The following PLA2R1 variants were observed in gnomAD, a reference collection of about 807,000 sequenced individuals.
PLA2R1 encodes the protein secretory phospholipase A2 receptor.
Under a neutral mutation model 195.9 loss-of-function variants are expected in PLA2R1, and 158 were observed. That is an observed-to-expected ratio of 0.81 (90% CI 0.71 to 0.92). PLA2R1 has a LOEUF of 0.92. PLA2R1 is among the 40% of genes least tolerant of loss of function. PLA2R1 has a pLI of 0.00. For synonymous variants in PLA2R1, 586 were observed against 598.2 expected, an observed-to-expected ratio of 0.98 and a Z score of 0.30; for missense variants, 1,626 against 1,764.6, an observed-to-expected ratio of 0.92 and a Z score of 1.41.
chr2:159,981,573 T>C (rs999223198), intron 13 of PLA2R1, among the ~76,000 whole-genome samples: 6 of 152,030 alleles, frequency 3.9e-5, no homozygotes, highest in Non-Finnish European at 8.8e-5. Flanking sequence ...ACCTGGCTAA[T>C]TTTTTTGTAC....
chr2:160,033,174 T>TA, intron 3 of PLA2R1, 42 bp from the exon 4 acceptor site: 1 of 1,470,900 alleles, frequency 6.8e-7, no homozygotes. Flanking sequence ...TCTTATTTTA[T>TA]CTATACAGCA....
chr2:159,969,452 T>C, intron 18 of PLA2R1, 93 bp from the exon 19 acceptor site: 2 of 642,574 alleles, frequency 3.1e-6, no homozygotes, highest in East Asian at 5.6e-5. Flanking sequence ...GGATTGAAGA[T>C]ATAATATTCT....
Position 159,937,820 on chromosome 2 carries a change from AAC to A in PLA2R1, c.*3956_*3957del, listed in dbSNP as rs1262303960. 6.6e-6 allele frequency: 1 copy of A among 152,232 alleles called. No individual in the cohort carries two copies. The highest frequency in any genetic ancestry group is 1.5e-5 in the Non-Finnish European group (1 of 68,036). The allele number at this position is 152,232 out of a possible 1,614,324, so 9.4% of individuals were successfully genotyped here. A position where few individuals can be genotyped will look rare whatever the true frequency, so the allele number is the denominator to read the frequency against. The stretch of plus-strand genomic sequence containing the variant: ...TTCAACTTTAACAGAAAAATGTCCT[AAC>A]ACAGAGAAAGACGTGAGGATCTACA... On this transcript the variant is annotated 3_prime_UTR_variant, in exon 30 of 30. Coordinates refer to ENST00000283243, the MANE Select transcript of PLA2R1 (RefSeq NM_007366.5).
chr2:159,987,849 G>T (rs1690461822), intron 11 of PLA2R1, among the ~76,000 whole-genome samples: 1 of 152,136 alleles, frequency 6.6e-6, no homozygotes, highest in African/African-American at 2.4e-5. Flanking sequence ...AAGAGAATGA[G>T]ATGAATTCTC....
intron 20 of PLA2R1, among the ~76,000 whole-genome samples, chr2:159,963,744 T>G (rs780738682): frequency 6.6e-6 from 1 of 152,158 alleles, no homozygotes; most frequent in Non-Finnish European, 1.5e-5. Context: ...GGCAAAGATG[T>G]GGAGAAATTG....
intron 1 of PLA2R1, among the ~76,000 whole-genome samples, chr2:160,054,214 CAGCTTGAGACCAGG>C (rs1267266206): frequency 6.6e-6 from 1 of 152,096 alleles, no homozygotes; most frequent in Non-Finnish European, 1.5e-5. Flanking sequence ...GGCTGGAGGA[CAGCTTGAGACCAGG>C]AGTTTGAGAC....
chr2:160,012,318 T>C (rs1692416366), intron 10 of PLA2R1, among the ~76,000 whole-genome samples: 5 of 152,294 alleles, frequency 3.3e-5, no homozygotes, highest in Middle Eastern at 3.4e-3. Flanking sequence ...TCCCAGGTGT[T>C]CCAGCCCCCA....
chr2:160,020,364 C>T (rs1309331878), intron 7 of PLA2R1, 101 bp from the exon 8 acceptor site: 2 of 714,544 alleles, frequency 2.8e-6, no homozygotes, highest in Non-Finnish European at 4.7e-6. Flanking sequence ...CATGTGATTT[C>T]TTCTTTATTT....
rs1317318539 is a variant in PLA2R1, at chr2:159,932,783, AAAAC to A, written c.*8991_*8994del. 6.6e-6 allele frequency: 1 copy of A among 152,250 alleles called. No individual in the cohort carries two copies. The highest frequency in any genetic ancestry group is 1.5e-5 in the Non-Finnish European group (1 of 68,044). 9.4% of individuals were successfully genotyped at this position (152,250 alleles called of 1,614,324 possible). ...TTTCAGTGCTAGGGAGGGCAAGGAG[AAAAC>A]ATTATAAATGGTCCTTTAACAATTT... On this transcript the variant is annotated 3_prime_UTR_variant, in exon 30 of 30. Coordinates refer to ENST00000283243, the MANE Select transcript of PLA2R1 (RefSeq NM_007366.5).
intron 11 of PLA2R1, among the ~76,000 whole-genome samples, chr2:159,996,597 G>A (rs1159761107): frequency 2.0e-5 from 3 of 151,878 alleles, no homozygotes; most frequent in Non-Finnish European, 4.4e-5. Context: ...TTAACTTGGG[G>A]GAAATTCTCA....
In PLA2R1 at chr2:159,944,931, T is replaced by C; in HGVS notation, c.4119A>G (p.Lys1373=). ...LWQLSPCQEK[K]GFICKMEADI... ...CTGCCTCCATTTTACATATAAAGCC[T>C]TTTTTTTCTTGACACGGGGATAGCT... is the stretch of plus-strand genomic sequence containing the variant. Residue 1373 remains lysine, a synonymous_variant, in exon 28 of 30, where the codon AAA becomes AAG. Transcript: ENST00000283243. The C allele has an allele frequency of 6.2e-7, 1 of 1,605,110 alleles. No individual in the cohort carries two copies. Among genetic ancestry groups the C allele is most frequent in the African/African-American group, 1.3e-5 (1 of 74,680 alleles).
chr2:160,041,353 T>C (rs73004785), intron 3 of PLA2R1, among the ~76,000 whole-genome samples: 1,604 of 152,080 alleles, frequency 0.011, 39 homozygotes, highest in African/African-American at 0.037. Context: ...TTGGTAACAA[T>C]TGGAAACTTT....
At chr2:159,944,140 CCT>C (rs781482153) in intron 28 of PLA2R1, among the ~76,000 whole-genome samples, 1 of 152,168 alleles carries the variant, frequency 6.6e-6, no homozygotes, top group Non-Finnish European at 1.5e-5. Flanking sequence ...CCCATCACCC[CCT>C]GACGTGAGCC....
chr2:160,025,433 G>A (rs781074814), intron 6 of PLA2R1, among the ~76,000 whole-genome samples: 7 of 151,996 alleles, frequency 4.6e-5, no homozygotes, highest in Admixed American at 1.3e-4. Context: ...AGAAATGCAC[G>A]ATATTAAAAG....
At chr2:160,060,551 A>G (rs4665147) in intron 1 of PLA2R1, among the ~76,000 whole-genome samples, 45,803 of 152,118 alleles carry the variant, frequency 0.3, 8,690 homozygotes, top group Non-Finnish European at 0.42. Flanking sequence ...CAGCATTTTC[A>G]TATCTGAAGA....
intron 11 of PLA2R1, among the ~76,000 whole-genome samples, chr2:160,002,561 C>G (rs1413030390): frequency 6.6e-6 from 1 of 151,902 alleles, no homozygotes; most frequent in Admixed American, 6.6e-5. Context: ...ATAAACCTAC[C>G]ACTCAAAGGT....
At chr2:159,950,565 G>A (rs1477013782) in intron 24 of PLA2R1, among the ~76,000 whole-genome samples, 4 of 152,196 alleles carry the variant, frequency 2.6e-5, no homozygotes, top group Non-Finnish European at 4.4e-5. Flanking sequence ...TACATGCTGC[G>A]TTCTAAAGAA....
intron 20 of PLA2R1, among the ~76,000 whole-genome samples, chr2:159,959,034 T>C (rs1423096525): frequency 6.6e-6 from 1 of 152,224 alleles, no homozygotes; most frequent in Non-Finnish European, 1.5e-5. Flanking sequence ...AAATACATTT[T>C]CAATTCTTCT....
intron 6 of PLA2R1, among the ~76,000 whole-genome samples, chr2:160,025,091 G>A (rs1693414478): frequency 6.6e-6 from 1 of 152,186 alleles, no homozygotes; most frequent in Non-Finnish European, 1.5e-5. Context: ...CAAACCTCCA[G>A]AGTACCCCTT....
Sources: gnomAD v4.1 joint callset for allele counts (sites outside exome capture counted in the v4.1 genomes callset) on GRCh38, gnomAD v4.1.1 for gene constraint, MANE v1.5 for transcripts, NCBI Gene and HGNC (gene_info 2026-07-23, HGNC 2026-07-21) for gene names.